The following TEX15 variants were observed in gnomAD, a reference collection of about 807,000 sequenced individuals.
TEX15 encodes testis-expressed protein 15.
In TEX15, 171 loss-of-function variants were observed where a neutral mutation model predicts 237.3. The observed-to-expected ratio is 0.72, with a 90% CI of 0.64 to 0.82. The LOEUF is 0.82. Among genes scored for constraint, TEX15 ranks in the 40% least tolerant of loss-of-function variants. The pLI is 0.00. For synonymous variants in TEX15, 1,338 were observed against 1,269.8 expected, an observed-to-expected ratio of 1.05 and a Z score of -1.14; for missense variants, 3,750 against 3,646.5, an observed-to-expected ratio of 1.03 and a Z score of -0.73.
intron 7 of TEX15, among the ~76,000 whole-genome samples, chr8:30,853,083 A>G (rs969873105): frequency 9.2e-5 from 14 of 152,314 alleles, no homozygotes; most frequent in Non-Finnish European, 1.5e-4. Context: ...GGTTTTCTCT[A>G]AAGTTAATCA....
intron 3 of TEX15, among the ~76,000 whole-genome samples, chr8:30,875,871 G>A (rs2128773457): frequency 6.6e-6 from 1 of 151,960 alleles, no homozygotes; most frequent in African/African-American, 2.4e-5. Context: ...GAGTGCAGTG[G>A]TATGATCATT....
chr8:30,859,337 A>G (rs1253022626), intron 6 of TEX15, among the ~76,000 whole-genome samples: 7 of 152,070 alleles, frequency 4.6e-5, no homozygotes, highest in African/African-American at 1.4e-4. Flanking sequence ...ACTAATACAT[A>G]AGCCTTTTCT....
rs143901371 is a variant in TEX15, at chr8:30,848,935, T to C, written c.1232A>G (p.Asn411Ser). 7.4e-6 allele frequency: 12 copies of C among 1,614,034 alleles called. No homozygotes were observed. In the African/African-American group the frequency reaches 1.3e-4, roughly 18 times the overall value. Residue 411 changes from asparagine (N) to serine (S), a missense_variant, in exon 8 of 11, where the codon AAT (asparagine) becomes AGT (serine). Physicochemically the swap from Asn to Ser is conservative, Grantham distance 46. Coordinates refer to ENST00000643185, the MANE Select transcript of TEX15 (RefSeq NM_001350162.2). ...TSLKNILSGL[N>S]ASFPLHNNTG... ...ATTGTTGTGAAGAGGAAAAGAAGCA[T>C]TAAGACCACTTAAAATATTTTTAAG...
rs1563227006 is a variant in TEX15, at chr8:30,837,213, C to T, written c.9071G>A (p.Cys3024Tyr). The part of the protein sequence containing the change: ...TYWNELPQSA[C>Y]NPTYNSSEHL... ...CTCAGAAGAATTATATGTTGGGTTA[C>T]ATGCAGACTGTGGAAGTTCATTCCA... Residue 3024 changes from cysteine (C) to tyrosine (Y), a missense_variant, in exon 10 of 11, where the codon TGT becomes TAT. Coordinates refer to ENST00000643185, the MANE Select transcript of TEX15 (RefSeq NM_001350162.2). 1 of 1,614,128 alleles carries T rather than the reference C, an allele frequency of 6.2e-7. No homozygotes were observed. The highest frequency in any genetic ancestry group is 1.7e-5 in the Admixed American group (1 of 60,016).
intron 4 of TEX15, among the ~76,000 whole-genome samples, chr8:30,872,620 C>A (rs1182755052): frequency 6.6e-6 from 1 of 152,038 alleles, no homozygotes; most frequent in Non-Finnish European, 1.5e-5. Flanking sequence ...CACGTTACTG[C>A]ACCTGAAGAC....
Position 30,855,038 on chromosome 8 carries a change from C to T in TEX15, c.850+3630G>A, listed in dbSNP as rs118047953. Among the ~76,000 whole-genome samples the T allele has an allele frequency of 7.7e-3, 1,170 of 152,186 alleles. 43 individuals are homozygous for T. The East Asian group carries it at 0.089, about 12-fold the overall frequency. On this transcript the variant is annotated intron_variant, in intron 7 of 10. Coordinates refer to ENST00000643185, the MANE Select transcript of TEX15 (RefSeq NM_001350162.2). ...ATACTTCCTGGTAAAAGACTGGATG[C>T]CTTCCCCCTAAATTCAAGAATACAG... is the stretch of plus-strand genomic sequence containing the variant.
intron 1 of TEX15, among the ~76,000 whole-genome samples, chr8:30,911,278 T>A (rs1219630558): frequency 6.6e-6 from 1 of 152,106 alleles, no homozygotes; most frequent in African/African-American, 2.4e-5. Flanking sequence ...TGGCAACACA[T>A]CAGCTAATTT....
rs548500466 is a variant in TEX15, at chr8:30,836,964, T to C, written c.9320A>G (p.Asn3107Ser). Reference sequence around the variant, plus strand: ...ATACCCATTCACTGGCACAAAGCCATTTGCTTGTGGCTCCCCCGCAAAATA... The same window carrying C: ...ATACCCATTCACTGGCACAAAGCCACTTGCTTGTGGCTCCCCCGCAAAATA... Reference protein sequence around the residue: ...FTYFAGEPQANGFVPVNGYFQ... With the variant: ...FTYFAGEPQASGFVPVNGYFQ... Residue 3107 changes from asparagine to serine, a missense_variant, in exon 10 of 11, where the codon AAT becomes AGT. Coordinates refer to ENST00000643185, the MANE Select transcript of TEX15 (RefSeq NM_001350162.2). 2 of 1,614,132 alleles carry C rather than the reference T, an allele frequency of 1.2e-6. No individual in the cohort carries two copies. Among genetic ancestry groups the C allele is most frequent in the African/African-American group, 2.7e-5 (2 of 75,034 alleles).
In TEX15 at chr8:30,843,239, T is replaced by C; in HGVS notation, c.6928A>G (p.Lys2310Glu). 6.2e-7 allele frequency: 1 copy of C among 1,613,330 alleles called. No individual in the cohort carries two copies. Among genetic ancestry groups the C allele is most frequent in the Non-Finnish European group, 8.5e-7 (1 of 1,179,640 alleles). ...AAAGTATCATATATCTTCTGCAACT[T>C]AGAAAAGGCACATTTATTCACTCTG... ...LLRVNKCAFS[K>E]LQKIYDTLSK... Residue 2310 changes from lysine (K) to glutamate (E), a missense_variant, in exon 8 of 11, where the codon AAG becomes GAG. Lys to Glu is a moderately conservative substitution (Grantham distance 56). Coordinates refer to ENST00000643185, the MANE Select transcript of TEX15 (RefSeq NM_001350162.2).
chr8:30,907,933 A>G (rs1364211138), intron 1 of TEX15, among the ~76,000 whole-genome samples: 1 of 151,802 alleles, frequency 6.6e-6, no homozygotes, highest in Non-Finnish European at 1.5e-5. Context: ...GACTCTATGA[A>G]TTCTATAAAA....
intron 1 of TEX15, among the ~76,000 whole-genome samples, chr8:30,899,338 G>C (rs560527533): frequency 6.6e-6 from 1 of 152,276 alleles, no homozygotes; most frequent in East Asian, 1.9e-4. Context: ...GACTCAGAAA[G>C]GTTAAGAAAC....
rs2128767827 is a variant in TEX15 at position 30,845,941 on chromosome 8, T to C, written c.4226A>G (p.Lys1409Arg). The change falls in exon 8 of 11, where the codon AAG becomes AGG. Residue 1409 changes from lysine to arginine, a missense_variant. Transcript: ENST00000643185. ...QLITKVGEER[K>R]GPLPKSYAII... ...TGCATATGATTTTGGTAATGGGCCC[T>C]TTCTTTCTTCTCCTACTTTAGTTAT... The C allele has an allele frequency of 6.2e-7, 1 of 1,613,082 alleles. No homozygotes were observed. Among genetic ancestry groups the C allele is most frequent in the Non-Finnish European group, 8.5e-7 (1 of 1,179,554 alleles).
Position 30,846,708 on chromosome 8 carries a change from A to G in TEX15, c.3459T>C (p.Leu1153=), listed in dbSNP as rs1338837935. ...TAGTAATTTTAATTTGTAGATCTGG[A>G]AGTAAAATTGGGCTGGTAAGTTCTG... ...NETELTSPIL[L]PDLQIKITNI... Residue 1153 remains leucine (L), a synonymous_variant, in exon 8 of 11, where the codon CTT becomes CTC. Transcript: ENST00000643185. The G allele has an allele frequency of 6.2e-7, 1 of 1,613,506 alleles. No individual in the cohort carries two copies. Among genetic ancestry groups the G allele is most frequent in the South Asian group, 1.1e-5 (1 of 90,998 alleles).
intron 3 of TEX15, among the ~76,000 whole-genome samples, chr8:30,875,492 T>C (rs571040260): frequency 1.3e-4 from 20 of 152,302 alleles, no homozygotes; most frequent in African/African-American, 4.8e-4. Flanking sequence ...TAGAAAATGA[T>C]TGGGTTATTT....
chr8:30,863,046 T>C (rs1417781612), intron 5 of TEX15, among the ~76,000 whole-genome samples: 2 of 152,206 alleles, frequency 1.3e-5, no homozygotes, highest in Non-Finnish European at 2.9e-5. Context: ...TGGAACCTAC[T>C]GAAGGCTTGC....
Position 30,847,997 on chromosome 8 carries a change from G to A in TEX15, c.2170C>T (p.His724Tyr). The change falls in exon 8 of 11, where the codon CAT becomes TAT. Residue 724 changes from histidine (H) to tyrosine (Y), a missense_variant. Physicochemically the swap from His to Tyr is moderately conservative, Grantham distance 83. Transcript: ENST00000643185. ...TPSFESLSQK[H>Y]PQHSVEYEGN... ...TCATACTCCACAGAGTGCTGAGGAT[G>A]CTTTTGTGACAGGCTCTCAAAACTT... 1.2e-6 allele frequency: 2 copies of A among 1,613,930 alleles called. No homozygotes were observed. Among genetic ancestry groups the A allele is most frequent in the South Asian group, 1.1e-5 (1 of 91,068 alleles).
intron 1 of TEX15, among the ~76,000 whole-genome samples, chr8:30,911,450 C>T (rs1809217542): frequency 6.6e-6 from 1 of 152,098 alleles, no homozygotes; most frequent in African/African-American, 2.4e-5. Flanking sequence ...ACAGCGCTCG[C>T]CAAAGCTTGT....
intron 5 of TEX15, among the ~76,000 whole-genome samples, chr8:30,861,230 A>G (rs2128770736): frequency 6.6e-6 from 1 of 152,334 alleles, no homozygotes. Flanking sequence ...TTAAGTATTA[A>G]AAACACAATG....
intron 4 of TEX15, among the ~76,000 whole-genome samples, chr8:30,868,598 A>G (rs323370): frequency 0.022 from 3,299 of 152,134 alleles, 113 homozygotes; most frequent in African/African-American, 0.075. Context: ...AGGCAGGACC[A>G]CAAAAGCAAG....
Sources: allele counts gnomAD v4.1 joint callset (sites outside exome capture counted in the v4.1 genomes callset), GRCh38; gene constraint gnomAD v4.1.1; transcripts MANE v1.5; gene names NCBI Gene and HGNC (gene_info 2026-07-23, HGNC 2026-07-21).